Variants in TTBK1 observed in about 807,000 individuals in gnomAD.
TTBK1 encodes the protein tau tubulin kinase 1.
Under a neutral mutation model 108.5 loss-of-function variants are expected in TTBK1, and 34 were observed. That is an observed-to-expected ratio of 0.31 (90% CI 0.24 to 0.42). The LOEUF (loss-of-function observed/expected upper bound fraction) is 0.42. TTBK1 is among the 10% of genes least tolerant of loss of function. The pLI is 1.00. For missense variants in TTBK1, 1,539 were observed against 1,826.0 expected, an observed-to-expected ratio of 0.84 and a Z score of 2.86; for synonymous variants, 809 against 795.1, an observed-to-expected ratio of 1.02 and a Z score of -0.29.
rs1314345259 is a variant in TTBK1, at chr6:43,253,557, C to A, written c.331-11C>A. ...AGGGTGAGTCTACCCCCCACCTCCA[C>A]CCCCATGCAGGGCCGGAACCTGGCC... is the stretch of plus-strand genomic sequence containing the variant. On this transcript the variant is annotated splice_polypyrimidine_tract_variant and intron_variant, in intron 4 of 14. Transcript: ENST00000259750. The surrounding 1 kb of genome is among the most constrained non-coding windows in gnomAD (Gnocchi z 5.8). The A allele has an allele frequency of 6.2e-7, 1 of 1,600,994 alleles. No homozygotes were observed. The highest frequency in any genetic ancestry group is 1.7e-5 in the Admixed American group (1 of 59,280).
At position 43,253,696 on chromosome 6, in the gene TTBK1, T is replaced by C; in HGVS notation, c.459T>C (p.Arg153=). Residue 153 remains arginine (R), a synonymous_variant, in exon 5 of 15, where the codon CGT becomes CGC. Transcript: ENST00000259750. This position sits in a 1 kb window ranked among gnomAD's most constrained non-coding sequence, Gnocchi z 5.8. ...TCCACTCTGTGGGCTTCCTGCACCG[T>C]GACATCAAGCCTGTGAGTACTGCCC... The part of the protein sequence containing the change: ...EAIHSVGFLH[R]DIKPSNFAMG... 1.9e-6 allele frequency: 3 copies of C among 1,613,198 alleles called. No homozygotes were observed. The highest frequency in any genetic ancestry group is 2.5e-6 in the Non-Finnish European group (3 of 1,179,556).
chr6:43,277,250 A>G (rs920325192), intron 13 of TTBK1, among the ~76,000 whole-genome samples: 1 of 152,002 alleles, frequency 6.6e-6, no homozygotes, highest in Non-Finnish European at 1.5e-5. Context: ...AAGGAGGGAC[A>G]CTGGAGCATG....
rs1187202883 is a variant in TTBK1, at chr6:43,263,068, TGAGGAGCCC to T, written c.1712_1720del (p.Pro571_Glu573del). On this transcript the variant is annotated inframe_deletion, in exon 13 of 15. Coordinates refer to ENST00000259750, the MANE Select transcript of TTBK1 (RefSeq NM_032538.3). This position sits in a 1 kb window ranked among gnomAD's most constrained non-coding sequence, Gnocchi z 4.7. ...AGCCCAGCACATCGGGCACCACGGATGAGGAGCCCGAGGAGCTGCGGCCACTGCCCGAGG... is the reference window on the plus strand; with the variant it reads ...AGCCCAGCACATCGGGCACCACGGATGAGGAGCTGCGGCCACTGCCCGAGG... 1 of 1,579,948 alleles carries T rather than the reference TGAGGAGCCC, an allele frequency of 6.3e-7. No homozygotes were observed. Among genetic ancestry groups the T allele is most frequent in the Non-Finnish European group, 8.6e-7 (1 of 1,163,208 alleles).
At chr6:43,247,335 G>C (rs1253484383) in intron 2 of TTBK1, among the ~76,000 whole-genome samples, 1 of 152,174 alleles carries the variant, frequency 6.6e-6, no homozygotes, top group Non-Finnish European at 1.5e-5. Flanking sequence ...GCTTCGGGCT[G>C]CTCGGCCTGC....
chr6:43,287,553 C>T lies in TTBK1; in HGVS notation c.*2177C>T, dbSNP rs1358076310. 1 of 152,248 alleles carries T rather than the reference C, an allele frequency of 6.6e-6. No individual in the cohort carries two copies. Among genetic ancestry groups the T allele is most frequent in the Non-Finnish European group, 1.5e-5 (1 of 68,076 alleles). The allele number at this position is 152,248 out of a possible 1,614,324, so 9.4% of individuals were successfully genotyped here. ...AGTCTGCCCTTGGGATTCCAAACCT[C>T]CCTAGGGCTCCCAACTGACCTCAGG... On this transcript the variant is annotated 3_prime_UTR_variant, in exon 15 of 15. Transcript: ENST00000259750. This position sits in a 1 kb window ranked among gnomAD's most constrained non-coding sequence, Gnocchi z 4.1.
In TTBK1 at chr6:43,257,899, G is replaced by A. The variant is rs760486828; in HGVS notation, c.949G>A (p.Ala317Thr). 12 of 1,614,020 alleles carry A rather than the reference G, an allele frequency of 7.4e-6. No homozygotes were observed. In the South Asian group the frequency reaches 1.3e-4, roughly 18 times the overall value. ...AFDWEKAGTD[A>T]LLSTSTSTPP... is the part of the protein sequence containing the mutation. Reference sequence around the variant, plus strand: ...TGACTGGGAGAAGGCAGGCACCGATGCCCTCCTGTCCACGAGCACCTCTAC... The same window carrying A: ...TGACTGGGAGAAGGCAGGCACCGATACCCTCCTGTCCACGAGCACCTCTAC... Residue 317 changes from alanine to threonine, a missense_variant, in exon 10 of 15, where the codon GCC becomes ACC. Around this residue, in one of 5 missense-constraint regions of TTBK1, gnomAD observed 277 missense variants for 332.4 expected, o/e 0.83. Coordinates refer to ENST00000259750, the MANE Select transcript of TTBK1 (RefSeq NM_032538.3). This position sits in a 1 kb window ranked among gnomAD's most constrained non-coding sequence, Gnocchi z 4.5.
intron 13 of TTBK1, chr6:43,272,587 G>T (rs1777862850): frequency 5.1e-6 from 5 of 985,420 alleles, no homozygotes; most frequent in Non-Finnish European, 4.8e-6. Context: ...CCATGGTGGA[G>T]GGGAGAGTGT....
Position 43,273,755 on chromosome 6 carries a change from C to G in TTBK1, c.1987-8972C>G, listed in dbSNP as rs1777892364. Among the ~76,000 whole-genome samples the G allele has an allele frequency of 6.6e-6, 1 of 152,200 alleles. No homozygotes were observed. The highest frequency in any genetic ancestry group is 1.5e-5 in the Non-Finnish European group (1 of 68,024). On this transcript the variant is annotated intron_variant, in intron 13 of 14. Transcript: ENST00000259750. The surrounding 1 kb of genome is among the most constrained non-coding windows in gnomAD (Gnocchi z 4.2). ...CTATCTTCTAATTTTTATTTGAAATCTCCCAATTTTTAATTGTTGGCATCT... is the reference window on the plus strand; with the variant it reads ...CTATCTTCTAATTTTTATTTGAAATGTCCCAATTTTTAATTGTTGGCATCT...
Position 43,244,488 on chromosome 6 carries a change from C to T in TTBK1, c.-55+780C>T, listed in dbSNP as rs754679855. ...TGCATAAGCCCTCGCCTTCACCATG[C>T]GCCCATGTGCACATAGGGGTCTGAG... On this transcript the variant is annotated intron_variant, in intron 1 of 14. Transcript: ENST00000259750. Among the ~76,000 whole-genome samples the T allele has an allele frequency of 8.5e-5, 13 of 152,316 alleles. No homozygotes were observed. The East Asian group carries it at 1.2e-3, about 14-fold the overall frequency.
rs1035410743 is a variant in TTBK1, at chr6:43,246,487, G to C, written c.-54-120G>C. On this transcript the variant is annotated intron_variant, in intron 1 of 14. Transcript: ENST00000259750. ...ACAATCTTTCCCCTGGTAACTCCTG[G>C]AGCATCTGTCCAGTGGGGCCAGGAA... The C allele has an allele frequency of 1.1e-4, 59 of 533,538 alleles. No homozygotes were observed. The Admixed American group carries it at 1.2e-3, about 11-fold the overall frequency. 33.1% of individuals were successfully genotyped at this position (533,538 alleles called of 1,614,324 possible).
intron 1 of TTBK1, among the ~76,000 whole-genome samples, chr6:43,244,800 C>A (rs1301624959): frequency 1.3e-5 from 2 of 152,008 alleles, no homozygotes; most frequent in South Asian, 2.1e-4. Flanking sequence ...TTCTGAAGGC[C>A]CCCTCCCACC....
At position 43,259,331 on chromosome 6, in the gene TTBK1, T is replaced by G; in HGVS notation, c.1248+62T>G. On this transcript the variant is annotated intron_variant, in intron 11 of 14. Transcript: ENST00000259750. This position sits in a 1 kb window ranked among gnomAD's most constrained non-coding sequence, Gnocchi z 6.7. ...TTCTCTCACCCCCGATTCCCAGCCT[T>G]GTGCCCCTGCCCTGTTCCTCCTAAG... 1 of 1,422,588 alleles carries G rather than the reference T, an allele frequency of 7.0e-7. No homozygotes were observed. The highest frequency in any genetic ancestry group is 1.9e-4 in the Middle Eastern group (1 of 5,342). The allele number at this position is 1,422,588 out of a possible 1,614,324, so 88.1% of individuals were successfully genotyped here. A position where few individuals can be genotyped will look rare whatever the true frequency, so the allele number is the denominator to read the frequency against.
chr6:43,275,929 G>C (rs1337878949), intron 13 of TTBK1, among the ~76,000 whole-genome samples: 2 of 152,138 alleles, frequency 1.3e-5, no homozygotes, highest in African/African-American at 4.8e-5. Context: ...AGAGTTCTCA[G>C]TGTCGAGCGA....
chr6:43,284,401 T>C (rs1366638049), intron 14 of TTBK1, 89 bp downstream of exon 14: 7 of 1,445,500 alleles, frequency 4.8e-6, no homozygotes, highest in Non-Finnish European at 6.3e-6. Flanking sequence ...GGTCAGGGGC[T>C]ATGGAAGATC....
rs1377418791 is a variant in TTBK1 at position 43,243,994 on chromosome 6, C to G, written c.-55+286C>G. ...CCCCATGGCTTCACCCCTGGCTCTC[C>G]TGTCATCCCTGACGAATCATTCGGC... On this transcript the variant is annotated intron_variant, in intron 1 of 14. Coordinates refer to ENST00000259750, the MANE Select transcript of TTBK1 (RefSeq NM_032538.3). This position sits in a 1 kb window ranked among gnomAD's most constrained non-coding sequence, Gnocchi z 5.5. 6.6e-6 allele frequency among the ~76,000 whole-genome samples: 1 copy of G among 152,140 alleles called. No individual in the cohort carries two copies. The highest frequency in any genetic ancestry group is 2.4e-5 in the African/African-American group (1 of 41,440).
chr6:43,271,234 C>T, intron 13 of TTBK1: 1 of 985,478 alleles, frequency 1.0e-6, no homozygotes, highest in Non-Finnish European at 1.2e-6. Context: ...TTCAGTGAGA[C>T]TGTGTCTGTA....
rs766003342 is a variant in TTBK1, at chr6:43,285,070, A to G, written c.3660A>G (p.Arg1220=). The part of the protein sequence containing the change: ...QPPGRGLGPG[R]AQAGARPPAP... The stretch of plus-strand genomic sequence containing the variant: ...CTGGCCGCGGCCTGGGCCCAGGGCG[A>G]GCCCAAGCCGGAGCCAGGCCCCCAG... The change falls in exon 15 of 15, where the codon CGA becomes CGG. Residue 1220 remains arginine (R), a synonymous_variant. Coordinates refer to ENST00000259750, the MANE Select transcript of TTBK1 (RefSeq NM_032538.3). The surrounding 1 kb of genome is among the most constrained non-coding windows in gnomAD (Gnocchi z 4.7). The G allele has an allele frequency of 1.3e-6, 2 of 1,493,638 alleles. No individual in the cohort carries two copies. The highest frequency in any genetic ancestry group is 1.8e-6 in the Non-Finnish European group (2 of 1,129,778). The allele number at this position is 1,493,638 out of a possible 1,614,324, so 92.5% of individuals were successfully genotyped here.
At chr6:43,270,098 C>G in intron 13 of TTBK1, 1 of 1,401,790 alleles carries the variant, frequency 7.1e-7, no homozygotes, top group Non-Finnish European at 9.2e-7. Flanking sequence ...AGAACGTTGG[C>G]CCAAGGTACT....
rs747719571 is a variant in TTBK1 at position 43,285,087 on chromosome 6, G to T, written c.3677G>T (p.Arg1226Met). 1.5e-5 allele frequency: 22 copies of T among 1,487,702 alleles called. No individual in the cohort carries two copies. Among genetic ancestry groups the T allele is most frequent in the Non-Finnish European group, 1.9e-5 (21 of 1,127,026 alleles). The allele number at this position is 1,487,702 out of a possible 1,614,324, so 92.2% of individuals were successfully genotyped here. ...CCAGGGCGAGCCCAAGCCGGAGCCA[G>T]GCCCCCAGCGCCGCGCAGCCCGCGC... ...LGPGRAQAGA[R>M]PPAPRSPRLP... The change falls in exon 15 of 15, where the codon AGG becomes ATG. Residue 1226 changes from arginine to methionine, a missense_variant. Transcript: ENST00000259750. This position sits in a 1 kb window ranked among gnomAD's most constrained non-coding sequence, Gnocchi z 4.7.
Sources: allele counts gnomAD v4.1 joint callset (sites outside exome capture counted in the v4.1 genomes callset), GRCh38; gene constraint gnomAD v4.1.1; regional missense constraint gnomAD v4.1.1; non-coding constraint Gnocchi (gnomAD v3.1); transcripts MANE v1.5; gene names NCBI Gene and HGNC (gene_info 2026-07-23, HGNC 2026-07-21).